Variants in SEPTIN7 observed in about 807,000 individuals in gnomAD.
SEPTIN7 encodes the protein septin 7.
Under a neutral mutation model 63.3 loss-of-function variants are expected in SEPTIN7, and 10 were observed. The observed-to-expected ratio is 0.16, with a 90% CI of 0.10 to 0.27. The LOEUF (loss-of-function observed/expected upper bound fraction) is 0.27. SEPTIN7 is among the 10% of genes least tolerant of loss of function. The pLI, the probability that SEPTIN7 is intolerant of heterozygous loss-of-function variation, is 1.00. For synonymous variants in SEPTIN7, 131 were observed against 165.3 expected (o/e 0.79, Z 1.59); for missense variants, 310 against 521.0 (o/e 0.59, Z 3.94).
chr7:35,847,094 T>TA (rs1784711111), intron 3 of SEPTIN7: 1 of 188,366 alleles, frequency 5.3e-6, no homozygotes, highest in African/African-American at 2.3e-5. Context: ...TCTGCACACT[T>TA]ACGGGAGTCT....
chr7:35,878,152 A>T lies in SEPTIN7; in HGVS notation c.513-1671A>T, dbSNP rs1786593849. On this transcript the variant is annotated intron_variant, in intron 6 of 13. Transcript: ENST00000350320. ...GTATGCAGGCAGGCAGTTATGGTAC[A>T]GCACACTAAGTGTTGTCAGCACATA... 1.3e-5 allele frequency among the ~76,000 whole-genome samples: 2 copies of T among 152,144 alleles called. 1 individual carries two copies. Among genetic ancestry groups the T allele is most frequent in the South Asian group, 4.1e-4 (2 of 4,832 alleles).
intron 5 of SEPTIN7, among the ~76,000 whole-genome samples, chr7:35,873,279 T>G (rs1786267706): frequency 6.6e-6 from 1 of 152,028 alleles, no homozygotes. Context: ...CTCTTAAAAC[T>G]CCCAAGTTCA....
intron 12 of SEPTIN7, chr7:35,899,372 T>C (rs1788162191): frequency 1.3e-5 from 2 of 151,980 alleles, no homozygotes; most frequent in Non-Finnish European, 2.9e-5. Context: ...TCATCTCTAT[T>C]AAAAATACAA....
chr7:35,807,186 C>CTT (rs199730988), intron 1 of SEPTIN7, among the ~76,000 whole-genome samples: 1 of 142,172 alleles, frequency 7.0e-6, no homozygotes, highest in East Asian at 2.0e-4. Context: ...TTTTTTAAAA[C>CTT]TTTTTTTTTT....
intron 1 of SEPTIN7, among the ~76,000 whole-genome samples, chr7:35,808,481 T>A (rs1157206878): frequency 2.0e-5 from 3 of 152,224 alleles, no homozygotes; most frequent in African/African-American, 7.2e-5. Context: ...AGTCTGTTTG[T>A]GCTGCTCCAA....
intron 9 of SEPTIN7, among the ~76,000 whole-genome samples, chr7:35,885,261 C>G (rs772700501): frequency 2.0e-5 from 3 of 152,156 alleles, no homozygotes; most frequent in Non-Finnish European, 2.9e-5. Context: ...CTCTATCATG[C>G]CCAGGCAACT....
At chr7:35,868,775 TG>T (rs371427819) in intron 4 of SEPTIN7, among the ~76,000 whole-genome samples, 1 of 152,212 alleles carries the variant, frequency 6.6e-6, no homozygotes, top group African/African-American at 2.4e-5. Flanking sequence ...GTTGTCAAGA[TG>T]AATCTAAAAT....
At chr7:35,806,860 G>T (rs1788375403) in intron 1 of SEPTIN7, among the ~76,000 whole-genome samples, 2 of 152,114 alleles carry the variant, frequency 1.3e-5, no homozygotes, top group African/African-American at 4.8e-5. Context: ...GAACGTCATG[G>T]TGTTTTTCAA....
chr7:35,859,469 GT>G (rs1272592897), intron 3 of SEPTIN7, among the ~76,000 whole-genome samples: 1 of 152,184 alleles, frequency 6.6e-6, no homozygotes, highest in African/African-American at 2.4e-5. Context: ...GACTGCTGTT[GT>G]TGGATGCAGT....
chr7:35,880,223 CTTT>C, intron 7 of SEPTIN7, among the ~76,000 whole-genome samples: 5 of 72,774 alleles, frequency 6.9e-5, no homozygotes, highest in African/African-American at 1.2e-4. Flanking sequence ...TTTTTCTTTT[CTTT>C]TTTTTTTTTT....
At chr7:35,821,653 T>G (rs1041382768) in intron 1 of SEPTIN7, among the ~76,000 whole-genome samples, 1 of 152,264 alleles carries the variant, frequency 6.6e-6, no homozygotes, top group Non-Finnish European at 1.5e-5. Flanking sequence ...AAAACTTCAG[T>G]TTTTGGTCCA....
intron 1 of SEPTIN7, among the ~76,000 whole-genome samples, chr7:35,813,174 G>C (rs1223207166): frequency 1.3e-5 from 2 of 152,162 alleles, no homozygotes; most frequent in Non-Finnish European, 2.9e-5. Flanking sequence ...CTAAGGCTCA[G>C]AAAGGTTATG....
chr7:35,812,878 A>G (rs1324245976), intron 1 of SEPTIN7, among the ~76,000 whole-genome samples: 2 of 152,156 alleles, frequency 1.3e-5, no homozygotes. Context: ...TAAAAATATT[A>G]TTTCTTGGGC....
intron 1 of SEPTIN7, among the ~76,000 whole-genome samples, chr7:35,818,375 T>G (rs1395373893): frequency 6.6e-6 from 1 of 152,120 alleles, no homozygotes; most frequent in Admixed American, 6.5e-5. Context: ...GGTTTGCTAG[T>G]ACTTTGTTGA....
At chr7:35,826,459 A>G (rs1482553466) in intron 1 of SEPTIN7, among the ~76,000 whole-genome samples, 2 of 151,268 alleles carry the variant, frequency 1.3e-5, no homozygotes, top group Non-Finnish European at 3.0e-5. Flanking sequence ...GAAAAGATCA[A>G]TGGCTATTTT....
intron 10 of SEPTIN7, among the ~76,000 whole-genome samples, chr7:35,887,829 A>G (rs759516325): frequency 1.3e-5 from 2 of 152,248 alleles, no homozygotes; most frequent in Admixed American, 1.3e-4. Flanking sequence ...TATTTAATTT[A>G]GCTCATGTCT....
At chr7:35,838,037 T>G (rs1784167371) in intron 3 of SEPTIN7, among the ~76,000 whole-genome samples, 1 of 152,060 alleles carries the variant, frequency 6.6e-6, no homozygotes, top group African/African-American at 2.4e-5. Flanking sequence ...CCGTCGCAAG[T>G]TATTGTTTAT....
intron 3 of SEPTIN7, among the ~76,000 whole-genome samples, chr7:35,860,626 G>T (rs1296965276): frequency 6.6e-6 from 1 of 152,164 alleles, no homozygotes; most frequent in Non-Finnish European, 1.5e-5. Context: ...TACAGAAGTT[G>T]CATTTGACAT....
At chr7:35,832,680 T>C (rs1169109219) in intron 2 of SEPTIN7, 118 bp from the exon 3 acceptor site, 4 of 716,258 alleles carry the variant, frequency 5.6e-6, no homozygotes, top group Middle Eastern at 3.0e-4. Flanking sequence ...TGAAAGTAGT[T>C]TGATTTGCTG....
Sources: allele counts gnomAD v4.1 joint callset (sites outside exome capture counted in the v4.1 genomes callset), GRCh38; gene constraint gnomAD v4.1.1; transcripts MANE v1.5; gene names NCBI Gene and HGNC (gene_info 2026-07-23, HGNC 2026-07-21).